The following UGT1A3 variants were observed in gnomAD, a reference collection of about 807,000 sequenced individuals.
The protein encoded by UGT1A3 is UDP glucuronosyltransferase family 1 member A3, also known as UDP-glucuronosyltransferase 1A3.
A neutral mutation model predicts 41.0 loss-of-function variants in UGT1A3; 31 were observed. The observed-to-expected ratio is 0.76, with a 90% CI of 0.57 to 1.02. UGT1A3 has a LOEUF of 1.02. UGT1A3 is among the 50% of genes least tolerant of loss of function. The pLI is 0.00. For synonymous variants in UGT1A3, 262 were observed against 257.6 expected, an observed-to-expected ratio of 1.02 and a Z score of -0.17; for missense variants, 737 against 671.0, an observed-to-expected ratio of 1.10 and a Z score of -1.09.
chr2:233,743,981 G>T, intron 1 of UGT1A3: 1 of 1,297,886 alleles, frequency 7.7e-7, no homozygotes, highest in Non-Finnish European at 1.0e-6. Flanking sequence ...CAGCACCCAG[G>T]CGCAGGCCCG....
chr2:233,753,302 G>A (rs17862878), intron 1 of UGT1A3: 18,739 of 152,254 alleles, frequency 0.12, 1,732 homozygotes, highest in African/African-American at 0.24. Flanking sequence ...GTGAGACCCC[G>A]TGTGCCCCTG....
At chr2:233,737,834 G>C (rs1690605119) in intron 1 of UGT1A3, among the ~76,000 whole-genome samples, 1 of 151,982 alleles carries the variant, frequency 6.6e-6, no homozygotes, top group Admixed American at 6.5e-5. Context: ...ATTGGGAACT[G>C]TGGCACAGGT....
chr2:233,732,874 G>A (rs1220552637), intron 1 of UGT1A3, among the ~76,000 whole-genome samples: 1 of 151,670 alleles, frequency 6.6e-6, no homozygotes, highest in Non-Finnish European at 1.5e-5. Context: ...GATGGGTTTG[G>A]CATTGAATCT....
At position 233,760,380 on chromosome 2, in the gene UGT1A3, G is replaced by C. The variant is rs768058050; in HGVS notation, c.868-6654G>C. 4.3e-6 allele frequency: 7 copies of C among 1,614,074 alleles called. No individual in the cohort carries two copies. The East Asian group carries it at 1.6e-4, about 36-fold the overall frequency. ...TGGTGTCCCATGCTGGGAAGATACT[G>C]TTGATCCCAGTGGATGGCAGCCACT... On this transcript the variant is annotated intron_variant, in intron 1 of 4. Transcript: ENST00000482026.
intron 1 of UGT1A3, chr2:233,752,371 G>C (rs1694955006): frequency 6.6e-6 from 1 of 152,082 alleles, no homozygotes; most frequent in Non-Finnish European, 1.5e-5. Flanking sequence ...GTCTCAAGAG[G>C]GTCATCTTTG....
chr2:233,747,176 G>A lies in UGT1A3; in HGVS notation c.867+17183G>A, dbSNP rs762899554. 48 of 1,600,122 alleles carry A rather than the reference G, an allele frequency of 3.0e-5. 1 individual carries two copies. The highest frequency in any genetic ancestry group is 8.1e-5 in the African/African-American group (6 of 74,200). On this transcript the variant is annotated intron_variant, in intron 1 of 4. Coordinates refer to ENST00000482026, the MANE Select transcript of UGT1A3 (RefSeq NM_019093.4). ...AGAAAACAAATGTAGGAGGCACAGCGTGGGGTGGACAGTCAGCTGTCCGTG... is the reference window on the plus strand; with the variant it reads ...AGAAAACAAATGTAGGAGGCACAGCATGGGGTGGACAGTCAGCTGTCCGTG...
chr2:233,770,096 C>T (rs1250263322), intron 4 of UGT1A3: 2 of 152,608 alleles, frequency 1.3e-5, no homozygotes, highest in African/African-American at 4.8e-5. Flanking sequence ...GTATAGATAA[C>T]TACTTGTAAC....
chr2:233,760,873 C>G, intron 1 of UGT1A3: 1 of 1,614,194 alleles, frequency 6.2e-7, no homozygotes, highest in South Asian at 1.1e-5. Context: ...CGTGCCCAGG[C>G]CTCTCTCCTC....
At position 233,772,309 on chromosome 2, in the gene UGT1A3, CGGTG is replaced by C. The variant is rs768601491; in HGVS notation, c.1357_1360del (p.Val453SerfsTer13). On this transcript the variant is annotated frameshift_variant, in exon 5 of 5. Transcript: ENST00000482026. LOFTEE classifies it high-confidence loss of function. ...CTCTCCAGCCTTCACAAGGACCGCCCGGTGGAGCCGCTGGACCTGGCCGTGTTCT... is the reference window on the plus strand; with the variant it reads ...CTCTCCAGCCTTCACAAGGACCGCCCGAGCCGCTGGACCTGGCCGTGTTCT... 1.9e-6 allele frequency: 3 copies of C among 1,614,206 alleles called. No individual in the cohort carries two copies. The highest frequency in any genetic ancestry group is 2.5e-6 in the Non-Finnish European group (3 of 1,180,052).
In UGT1A3 at chr2:233,772,200, TAAAG is replaced by T. The variant is rs1700482093; in HGVS notation, c.1308-60_1308-57del. On this transcript the variant is annotated intron_variant, in intron 4 of 4. Coordinates refer to ENST00000482026, the MANE Select transcript of UGT1A3 (RefSeq NM_019093.4). ...TAGTCTTCTTAAGCAGCCATGAGCATAAAGAGAGGATTGTTCATACCACAGGTGT... is the reference window on the plus strand; with the variant it reads ...TAGTCTTCTTAAGCAGCCATGAGCATAGAGGATTGTTCATACCACAGGTGT... The T allele has an allele frequency of 6.8e-6, 11 of 1,606,074 alleles. No individual in the cohort carries two copies. In the South Asian group the frequency reaches 1.0e-4, roughly 15 times the overall value.
At position 233,729,991 on chromosome 2, in the gene UGT1A3, C is replaced by T. The variant is rs770784414; in HGVS notation, c.865C>T (p.Gln289Ter). The change falls in exon 1 of 5, where the codon CAG (glutamine) becomes TAG (stop). Residue 289 changes from glutamine to a stop codon, truncating the protein, a stop_gained and splice_region_variant. Coordinates refer to ENST00000482026, the MANE Select transcript of UGT1A3 (RefSeq NM_019093.4). LOFTEE classifies it high-confidence loss of function. ...INCANRKPLS[Q>*]EFEAYINASG... ...CTGTGCCAACAGGAAGCCACTATCT[C>T]AGGTCTGTATTGGTGCCTTCATCCA... 6.2e-6 allele frequency: 10 copies of T among 1,613,902 alleles called. No homozygotes were observed. Among genetic ancestry groups the T allele is most frequent in the Admixed American group, 1.7e-5 (1 of 60,006 alleles).
In UGT1A3 at chr2:233,773,103, T is replaced by A. The variant is rs1559421928; in HGVS notation, c.*544T>A. ...CTTGGAGTGCACTGAGAACAGCATATGATTTCTTGCTTTGGGGAAAAAGAA... is the reference window on the plus strand; with the variant it reads ...CTTGGAGTGCACTGAGAACAGCATAAGATTTCTTGCTTTGGGGAAAAAGAA... On this transcript the variant is annotated 3_prime_UTR_variant, in exon 5 of 5. Transcript: ENST00000482026. The A allele has an allele frequency of 6.4e-6, 1 of 156,320 alleles. No individual in the cohort carries two copies. Among genetic ancestry groups the A allele is most frequent in the Non-Finnish European group, 1.4e-5 (1 of 70,266 alleles). 9.7% of individuals were successfully genotyped at this position (156,320 alleles called of 1,614,324 possible).
intron 1 of UGT1A3, among the ~76,000 whole-genome samples, chr2:233,745,740 G>A (rs1693195294): frequency 6.6e-6 from 1 of 150,538 alleles, no homozygotes; most frequent in Admixed American, 6.6e-5. Context: ...GGCAGAGGGA[G>A]GGGGCAAGCA....
At chr2:233,747,346 G>T in intron 1 of UGT1A3, 1 of 1,603,164 alleles carries the variant, frequency 6.2e-7, no homozygotes, top group African/African-American at 1.3e-5. Flanking sequence ...GCTCGCATGC[G>T]GGAGGCCGTG....
In UGT1A3 at chr2:233,729,989, C is replaced by T. The variant is rs1412952740; in HGVS notation, c.863C>T (p.Ser288Phe). Residue 288 changes from serine (S) to phenylalanine (F), a missense_variant, in exon 1 of 5, where the codon TCT becomes TTT. Physicochemically the swap from Ser to Phe is radical, Grantham distance 155. Transcript: ENST00000482026. ...AACTGTGCCAACAGGAAGCCACTAT[C>T]TCAGGTCTGTATTGGTGCCTTCATC... ...GINCANRKPL[S>F]QEFEAYINAS... is the part of the protein sequence containing the mutation. 1 of 1,614,050 alleles carries T rather than the reference C, an allele frequency of 6.2e-7. No homozygotes were observed. The highest frequency in any genetic ancestry group is 8.5e-7 in the Non-Finnish European group (1 of 1,179,916).
intron 1 of UGT1A3, among the ~76,000 whole-genome samples, chr2:233,759,957 T>C (rs371912681): frequency 1.3e-5 from 2 of 152,236 alleles, no homozygotes; most frequent in Non-Finnish European, 2.9e-5. Context: ...CACTACATAG[T>C]CGTCCTTCTT....
At chr2:233,743,713 A>C in intron 1 of UGT1A3, 1 of 1,367,332 alleles carries the variant, frequency 7.3e-7, no homozygotes, top group Non-Finnish European at 9.8e-7. Flanking sequence ...CCGCCTCGCC[A>C]TAGCGGTCAT....
rs553351524 is a variant in UGT1A3, at chr2:233,769,411, G to A, written c.1307+972G>A. ...ATACTGTGTGCATATGTGCGTGTGC[G>A]TTTGTGCATGTGGCTGTGCTCATGT... is the stretch of plus-strand genomic sequence containing the variant. On this transcript the variant is annotated intron_variant, in intron 4 of 4. Coordinates refer to ENST00000482026, the MANE Select transcript of UGT1A3 (RefSeq NM_019093.4). This position sits in a 1 kb window ranked among gnomAD's most constrained non-coding sequence, Gnocchi z 4.4. 25 of 1,356,294 alleles carry A rather than the reference G, an allele frequency of 1.8e-5. No individual in the cohort carries two copies. The highest frequency in any genetic ancestry group is 8.6e-5 in the African/African-American group (6 of 69,942). The allele number at this position is 1,356,294 out of a possible 1,614,324, so 84.0% of individuals were successfully genotyped here. A position where few individuals can be genotyped will look rare whatever the true frequency, so the allele number is the denominator to read the frequency against.
rs1692776441 is a variant in UGT1A3 at position 233,744,329 on chromosome 2, T to A, written c.867+14336T>A. ...AGGGAAGAGGGTGGTGGGAGTGAGT[T>A]TAGTCTGACTGGGGCTGAAGACATC... On this transcript the variant is annotated intron_variant, in intron 1 of 4. Transcript: ENST00000482026. 1.3e-5 allele frequency among the ~76,000 whole-genome samples: 2 copies of A among 151,824 alleles called. 1 individual carries two copies. The highest frequency in any genetic ancestry group is 4.9e-5 in the African/African-American group (2 of 41,084).
Sources: allele counts gnomAD v4.1 joint callset (sites outside exome capture counted in the v4.1 genomes callset), GRCh38; gene constraint gnomAD v4.1.1; non-coding constraint Gnocchi (gnomAD v3.1); transcripts MANE v1.5; gene names NCBI Gene and HGNC (gene_info 2026-07-23, HGNC 2026-07-21).